KIF17: variants seen among roughly 807,000 people sequenced by gnomAD.
KIF17 encodes kinesin family member 17.
A neutral mutation model predicts 96.8 loss-of-function variants in KIF17; 80 were observed. The observed-to-expected ratio is 0.83, with a 90% confidence interval of 0.69 to 1.00. The LOEUF is 1.00. Among genes scored for constraint, KIF17 ranks in the 50% least tolerant of loss-of-function variants. The pLI, the probability that KIF17 is intolerant of heterozygous loss-of-function variation, is 0.00. For missense variants in KIF17, 1,280 were observed against 1,372.9 expected (o/e 0.93, Z 1.07); for synonymous variants, 567 against 587.5 (o/e 0.97, Z 0.51).
At chr1:20,678,261 C>T (rs910690875) in intron 11 of KIF17, among the ~76,000 whole-genome samples, 9 of 152,042 alleles carry the variant, frequency 5.9e-5, no homozygotes, top group South Asian at 2.1e-4. Context: ...TGGGGGAAAC[C>T]GACCCCATGA....
Position 20,715,653 on chromosome 1 carries a change from A to G in KIF17, c.232-14T>C. ...CTCAGTGACGCCCTGCATGGGAGGA[A>G]GGCAGGACCCCGTGCTCAGTGGAGC... is the stretch of plus-strand genomic sequence containing the variant. On this transcript the variant is annotated splice_polypyrimidine_tract_variant and intron_variant, in intron 1 of 14. Transcript: ENST00000400463. The G allele has an allele frequency of 6.2e-7, 1 of 1,613,696 alleles. No homozygotes were observed. The highest frequency in any genetic ancestry group is 8.5e-7 in the Non-Finnish European group (1 of 1,180,006).
intron 11 of KIF17, among the ~76,000 whole-genome samples, chr1:20,681,680 GAC>G (rs1003885227): frequency 6.6e-6 from 1 of 152,110 alleles, no homozygotes; most frequent in African/African-American, 2.4e-5. Flanking sequence ...CGCTCTCCCT[GAC>G]TCAGGCCTCA....
At position 20,687,274 on chromosome 1, in the gene KIF17, C is replaced by T. The variant is rs909217296; in HGVS notation, c.1938+114G>A. 1.8e-5 allele frequency: 21 copies of T among 1,198,772 alleles called. 1 individual carries two copies. Among genetic ancestry groups the T allele is most frequent in the African/African-American group, 8.9e-5 (6 of 67,142 alleles). 74.3% of individuals were successfully genotyped at this position (1,198,772 alleles called of 1,614,324 possible). On this transcript the variant is annotated intron_variant, in intron 8 of 14. Transcript: ENST00000400463. The surrounding 1 kb of genome is among the most constrained non-coding windows in gnomAD (Gnocchi z 4.4). Reference sequence around the variant, plus strand: ...AGCCGCAGCAGACACAGTGGAGCCACGGCCTGAGTGTCGGAGGCCATGTGT... The same window carrying T: ...AGCCGCAGCAGACACAGTGGAGCCATGGCCTGAGTGTCGGAGGCCATGTGT...
chr1:20,666,300 C>T lies in KIF17; in HGVS notation c.2822G>A (p.Arg941Gln), dbSNP rs146340669. Residue 941 changes from arginine to glutamine, a missense_variant, in exon 14 of 15, where the codon CGG becomes CAG. Arg to Gln is a conservative substitution (Grantham distance 43, BLOSUM62 1). Coordinates refer to ENST00000400463, the MANE Select transcript of KIF17 (RefSeq NM_001122819.3). Reference protein sequence around the residue: ...EDDRYRLMLSRSNSENIASNY... With the variant: ...EDDRYRLMLSQSNSENIASNY... ...GCTGGCAATGTTTTCACTGTTGCTC[C>T]GACTGAGCATGAGCCTGTAGCGGTC... The T allele has an allele frequency of 3.0e-5, 48 of 1,613,988 alleles. No homozygotes were observed. The highest frequency in any genetic ancestry group is 3.7e-5 in the Non-Finnish European group (44 of 1,179,948).
At chr1:20,661,650 CG>C, downstream of KIF17, 1 of 500,310 alleles carries the variant, frequency 2.0e-6, no homozygotes, top group Admixed American at 3.4e-5. Flanking sequence ...CGAGGCCGAG[CG>C]CCCTTTGCTC....
In KIF17 at chr1:20,700,148, G is replaced by A. The variant is rs2054208395; in HGVS notation, c.1124-1660C>T. On this transcript the variant is annotated intron_variant, in intron 5 of 14. Transcript: ENST00000400463. The surrounding 1 kb of genome is among the most constrained non-coding windows in gnomAD (Gnocchi z 4.6). ...TGCAATCGTGTGATCTCGGCTCACTGCAACCTCCCTCTCCCAGGTTCAAGT... is the reference window on the plus strand; with the variant it reads ...TGCAATCGTGTGATCTCGGCTCACTACAACCTCCCTCTCCCAGGTTCAAGT... Among the ~76,000 whole-genome samples, 1 of 151,874 alleles carries A rather than the reference G, an allele frequency of 6.6e-6. No individual in the cohort carries two copies. The highest frequency in any genetic ancestry group is 2.4e-5 in the African/African-American group (1 of 41,314).
intron 2 of KIF17, among the ~76,000 whole-genome samples, chr1:20,714,669 C>A (rs188121614): frequency 6.6e-6 from 1 of 151,128 alleles, no homozygotes; most frequent in East Asian, 2.0e-4. Flanking sequence ...TGGTGATGGG[C>A]GCCTGTAATC....
chr1:20,667,641 A>G lies in KIF17; in HGVS notation c.2791-1310T>C, dbSNP rs1052532031. On this transcript the variant is annotated intron_variant, in intron 13 of 14. Coordinates refer to ENST00000400463, the MANE Select transcript of KIF17 (RefSeq NM_001122819.3). The stretch of plus-strand genomic sequence containing the variant: ...GGCCTCTCTTCCTTTTGGATCACCA[A>G]TGGCCAGCAGCCATCCTTCCGGCCA... 3.3e-5 allele frequency among the ~76,000 whole-genome samples: 5 copies of G among 152,292 alleles called. 1 individual carries two copies. The highest frequency in any genetic ancestry group is 2.6e-4 in the Admixed American group (4 of 15,298).
At chr1:20,666,966 C>T (rs2053540452) in intron 13 of KIF17, among the ~76,000 whole-genome samples, 1 of 152,198 alleles carries the variant, frequency 6.6e-6, no homozygotes, top group South Asian at 2.1e-4. Flanking sequence ...AATCACAGAA[C>T]CACATCCTCC....
intron 13 of KIF17, among the ~76,000 whole-genome samples, chr1:20,668,096 G>A (rs2053559896): frequency 6.6e-6 from 1 of 151,990 alleles, no homozygotes; most frequent in Non-Finnish European, 1.5e-5. Flanking sequence ...AGATCACGAG[G>A]TCAGGAGATT....
chr1:20,708,921 A>G (rs535079791), intron 4 of KIF17, among the ~76,000 whole-genome samples: 31 of 152,324 alleles, frequency 2.0e-4, no homozygotes, highest in African/African-American at 7.2e-4. Context: ...GAGGGAGAGG[A>G]GAATCCACAA....
At chr1:20,684,245 C>A (rs528663304) in intron 10 of KIF17, among the ~76,000 whole-genome samples, 2 of 152,234 alleles carry the variant, frequency 1.3e-5, no homozygotes, top group African/African-American at 4.8e-5. Flanking sequence ...ATCCTTGTGT[C>A]CTGGGCCCAG....
chr1:20,675,072 A>G (rs2053713568), intron 11 of KIF17, among the ~76,000 whole-genome samples: 1 of 150,524 alleles, frequency 6.6e-6, no homozygotes, highest in African/African-American at 2.4e-5. Context: ...AATTGCTTGA[A>G]CCTGGGAGGC....
intron 4 of KIF17, among the ~76,000 whole-genome samples, chr1:20,706,297 TA>T (rs1374521518): frequency 6.7e-6 from 1 of 149,962 alleles, no homozygotes. Flanking sequence ...TTTAGGCTAT[TA>T]AAAAACAACA....
intron 6 of KIF17, among the ~76,000 whole-genome samples, chr1:20,694,507 G>A (rs773371061): frequency 4.6e-5 from 7 of 152,178 alleles, no homozygotes; most frequent in Non-Finnish European, 8.8e-5. Context: ...TTTGTCTCCT[G>A]GAGCCACTGC....
Position 20,665,447 on chromosome 1 carries a change from C to T in KIF17, c.2909-685G>A, listed in dbSNP as rs139665848. 4.8e-3 allele frequency among the ~76,000 whole-genome samples: 686 copies of T among 142,358 alleles called. 7 individuals are homozygous for T. The highest frequency in any genetic ancestry group is 0.017 in the African/African-American group (642 of 38,036). The allele number at this position is 142,358 out of a possible 152,430, so 93.4% of individuals were successfully genotyped here. A position where few individuals can be genotyped will look rare whatever the true frequency, so the allele number is the denominator to read the frequency against. ...CAGGGTCTCACTCTGTCGCCTAGAC[C>T]GGAATGCAGTGGCAGGATCTCGAAT... On this transcript the variant is annotated intron_variant, in intron 14 of 14. Transcript: ENST00000400463.
rs150669610 is a variant in KIF17, at chr1:20,687,541, G to A, written c.1785C>T (p.Tyr595=). The A allele has an allele frequency of 1.4e-3, 2,209 of 1,613,768 alleles. 2 individuals carry two copies. Among genetic ancestry groups the A allele is most frequent in the Non-Finnish European group, 1.8e-3 (2,113 of 1,179,816 alleles). The change falls in exon 8 of 15, where the codon TAC becomes TAT. Residue 595 remains tyrosine (Y), a synonymous_variant. Transcript: ENST00000400463. This position sits in a 1 kb window ranked among gnomAD's most constrained non-coding sequence, Gnocchi z 4.4. ...AAGHLLGEQN[Y]LPQEEPQEVP... is the part of the protein sequence containing the mutation. ...CCTCCTGCGGCTCCTCTTGCGGGAG[G>A]TAGTTCTGTTCCCCCAGCAGGTGCC...
At chr1:20,684,638 C>G (rs918526097) in intron 10 of KIF17, among the ~76,000 whole-genome samples, 171 bp downstream of exon 10, 1 of 152,206 alleles carries the variant, frequency 6.6e-6, no homozygotes, top group Non-Finnish European at 1.5e-5. Flanking sequence ...GTGTCTGGAG[C>G]AGAGCCCTGC....
In KIF17 at chr1:20,664,486, G is replaced by A. The variant is rs539712729; in HGVS notation, c.*98C>T. 99 of 1,607,750 alleles carry A rather than the reference G, an allele frequency of 6.2e-5. No homozygotes were observed. The highest frequency in any genetic ancestry group is 1.3e-4 in the Admixed American group (8 of 59,658). On this transcript the variant is annotated 3_prime_UTR_variant, in exon 15 of 15. Coordinates refer to ENST00000400463, the MANE Select transcript of KIF17 (RefSeq NM_001122819.3). ...TGAGGGAGCCCTCAGGCCCCGGAGC[G>A]CTGTGTGGCAGGTGGGAGGAGACCT...
Sources: gnomAD v4.1 joint callset for allele counts (sites outside exome capture counted in the v4.1 genomes callset) on GRCh38, gnomAD v4.1.1 for gene constraint, Gnocchi (gnomAD v3.1) non-coding constraint, MANE v1.5 for transcripts, NCBI Gene and HGNC (gene_info 2026-07-23, HGNC 2026-07-21) for gene names.